Variants in TNFRSF21 observed in about 807,000 individuals in gnomAD.
TNFRSF21 encodes the protein tumor necrosis factor receptor superfamily member 21.
A neutral mutation model predicts 45.6 loss-of-function variants in TNFRSF21; 19 were observed. That is an observed-to-expected ratio of 0.42 (90% CI 0.29 to 0.61). TNFRSF21 has a LOEUF of 0.61. Ranked by LOEUF, TNFRSF21 falls within the 20% of genes least tolerant of loss-of-function variation. The probability of loss-of-function intolerance (pLI) is 0.23; values close to 1 mark genes in which losing one functional copy is unlikely to be tolerated. For synonymous variants in TNFRSF21, 314 were observed against 335.5 expected (o/e 0.94, Z 0.70); for missense variants, 737 against 851.5 (o/e 0.87, Z 1.67).
At chr6:47,309,227 A>AT (rs1020412202) in intron 1 of TNFRSF21, among the ~76,000 whole-genome samples, 189 bp downstream of exon 1, 2 of 152,098 alleles carry the variant, frequency 1.3e-5, no homozygotes, top group Non-Finnish European at 2.9e-5. Flanking sequence ...GAGCCCTGAG[A>AT]TTCCCCCAAA....
At chr6:47,273,217 A>G (rs1478378923) in intron 3 of TNFRSF21, among the ~76,000 whole-genome samples, 1 of 152,220 alleles carries the variant, frequency 6.6e-6, no homozygotes, top group African/African-American at 2.4e-5. Context: ...ACAAAAAAAG[A>G]GAATTTTAGA....
intron 3 of TNFRSF21, among the ~76,000 whole-genome samples, chr6:47,258,301 C>G (rs1765018778): frequency 6.6e-6 from 1 of 151,360 alleles, no homozygotes; most frequent in Non-Finnish European, 1.5e-5. Flanking sequence ...ACCTGAGAGA[C>G]AGAGGTTGCA....
Position 47,291,642 on chromosome 6 carries a change from G to A in TNFRSF21, c.97-5047C>T, listed in dbSNP as rs371661871. Among the ~76,000 whole-genome samples the A allele has an allele frequency of 2.2e-4, 33 of 152,340 alleles. No individual in the cohort carries two copies. The South Asian group carries it at 6.2e-3, about 29-fold the overall frequency. On this transcript the variant is annotated intron_variant, in intron 1 of 5. Transcript: ENST00000296861. ...TGCTCCTTGGACCAGGGAGGGATGGGAGGTAGGCTCCAAGCCCCCCATCTC... is the reference window on the plus strand; with the variant it reads ...TGCTCCTTGGACCAGGGAGGGATGGAAGGTAGGCTCCAAGCCCCCCATCTC...
intron 4 of TNFRSF21, among the ~76,000 whole-genome samples, chr6:47,247,721 G>A (rs181424259): frequency 6.6e-6 from 1 of 152,318 alleles, no homozygotes; most frequent in East Asian, 1.9e-4. Context: ...TGATTACACA[G>A]AGCAAAGCCA....
chr6:47,235,148 G>C (rs1764648917), intron 4 of TNFRSF21, among the ~76,000 whole-genome samples: 2 of 152,040 alleles, frequency 1.3e-5, no homozygotes, highest in South Asian at 4.2e-4. Flanking sequence ...TTATCTCAGG[G>C]GAGTAGAAGG....
chr6:47,282,861 T>C (rs1762589781), intron 3 of TNFRSF21, among the ~76,000 whole-genome samples: 1 of 152,228 alleles, frequency 6.6e-6, no homozygotes, highest in South Asian at 2.1e-4. Context: ...ATAATTTACT[T>C]AGTTTTTCCC....
intron 1 of TNFRSF21, among the ~76,000 whole-genome samples, chr6:47,291,489 G>A (rs1582355590): frequency 6.6e-6 from 1 of 152,180 alleles, no homozygotes; most frequent in Non-Finnish European, 1.5e-5. Flanking sequence ...TGGAGAGACG[G>A]TGACAGATTT....
At chr6:47,249,033 T>C (rs1582320885) in intron 4 of TNFRSF21, among the ~76,000 whole-genome samples, 2 of 152,330 alleles carry the variant, frequency 1.3e-5, no homozygotes, top group Non-Finnish European at 2.9e-5. Context: ...AAAATGACTA[T>C]GTTGCCAGGA....
Position 47,285,957 on chromosome 6 carries a change from A to C in TNFRSF21, c.735T>G (p.Thr245=). 1 of 1,614,028 alleles carries C rather than the reference A, an allele frequency of 6.2e-7. No homozygotes were observed. Among genetic ancestry groups the C allele is most frequent in the Non-Finnish European group, 8.5e-7 (1 of 1,179,890 alleles). The change falls in exon 2 of 6, where the codon ACT becomes ACG. Residue 245 remains threonine, a synonymous_variant. Coordinates refer to ENST00000296861, the MANE Select transcript of TNFRSF21 (RefSeq NM_014452.5). ...AGGTTAAGTTACCTTTGGGAACATA[A>C]GTGGAGGAAGGGACTTCATGGGTTT... ...HMETHEVPSS[T]YVPKGMNSTE...
Position 47,291,468 on chromosome 6 carries a change from G to A in TNFRSF21, c.97-4873C>T, listed in dbSNP as rs185199501. On this transcript the variant is annotated intron_variant, in intron 1 of 5. Transcript: ENST00000296861. Reference sequence around the variant, plus strand: ...TGGTGGTGACTCAGACTAGGGTGGCGGATGCGGAAATGGAGAGACGGTGAC... The same window carrying A: ...TGGTGGTGACTCAGACTAGGGTGGCAGATGCGGAAATGGAGAGACGGTGAC... Among the ~76,000 whole-genome samples the A allele has an allele frequency of 9.2e-5, 14 of 152,314 alleles. No individual in the cohort carries two copies. In the East Asian group the frequency reaches 9.6e-4, roughly 10 times the overall value.
intron 1 of TNFRSF21, among the ~76,000 whole-genome samples, chr6:47,292,249 A>T (rs1762738812): frequency 6.6e-6 from 1 of 152,192 alleles, no homozygotes; most frequent in Non-Finnish European, 1.5e-5. Flanking sequence ...GAGCCAGAAT[A>T]TCTGACGCCG....
At chr6:47,300,755 T>A (rs1161922195) in intron 1 of TNFRSF21, among the ~76,000 whole-genome samples, 1 of 152,190 alleles carries the variant, frequency 6.6e-6, no homozygotes, top group African/African-American at 2.4e-5. Context: ...ATACTCTTCC[T>A]TCTGTTCTTT....
chr6:47,287,974 T>C (rs533311516), intron 1 of TNFRSF21, among the ~76,000 whole-genome samples: 1 of 152,328 alleles, frequency 6.6e-6, no homozygotes, highest in South Asian at 2.1e-4. Context: ...CAACACACAC[T>C]TTGAAAGCTG....
Position 47,286,398 on chromosome 6 carries a change from C to A in TNFRSF21, c.294G>T (p.Arg98Ser), listed in dbSNP as rs376748511. 3 of 1,614,226 alleles carry A rather than the reference C, an allele frequency of 1.9e-6. No individual in the cohort carries two copies. Among genetic ancestry groups the A allele is most frequent in the African/African-American group, 1.3e-5 (1 of 75,048 alleles). The change falls in exon 2 of 6, where the codon AGG becomes AGT. Residue 98 changes from arginine (R) to serine (S), a missense_variant. Coordinates refer to ENST00000296861, the MANE Select transcript of TNFRSF21 (RefSeq NM_014452.5). ...CSSCPVGTFT[R>S]HENGIEKCHD... ...GGCATTTCTCTATGCCATTCTCATG[C>A]CTGGTAAAGGTCCCCACAGGGCAAC... is the stretch of plus-strand genomic sequence containing the variant.
At chr6:47,294,587 A>G (rs564502322) in intron 1 of TNFRSF21, among the ~76,000 whole-genome samples, 1 of 152,284 alleles carries the variant, frequency 6.6e-6, no homozygotes, top group Non-Finnish European at 1.5e-5. Flanking sequence ...TGAGGACATC[A>G]CTCTGTTTTA....
At chr6:47,262,164 C>T (rs907844183) in intron 3 of TNFRSF21, among the ~76,000 whole-genome samples, 1 of 152,008 alleles carries the variant, frequency 6.6e-6, no homozygotes. Context: ...CAAAAAACAC[C>T]GTGCAAAGAT....
chr6:47,269,882 C>T (rs764888968), intron 3 of TNFRSF21, among the ~76,000 whole-genome samples: 2 of 152,194 alleles, frequency 1.3e-5, no homozygotes, highest in Admixed American at 6.5e-5. Context: ...TAGCCTATAA[C>T]CTGCATGTGA....
intron 3 of TNFRSF21, among the ~76,000 whole-genome samples, chr6:47,269,561 T>C (rs1762383063): frequency 2.0e-5 from 3 of 152,232 alleles, no homozygotes; most frequent in Admixed American, 2.0e-4. Flanking sequence ...TTACTTCATA[T>C]AATGTATTTC....
intron 1 of TNFRSF21, among the ~76,000 whole-genome samples, chr6:47,291,397 G>A (rs561537162): frequency 1.2e-4 from 18 of 152,150 alleles, no homozygotes; most frequent in African/African-American, 4.1e-4. Flanking sequence ...ATGCGGGAGA[G>A]TAGACAAGAA....
Sources: gnomAD v4.1 joint callset for allele counts (sites outside exome capture counted in the v4.1 genomes callset) on GRCh38, gnomAD v4.1.1 for gene constraint, MANE v1.5 for transcripts, NCBI Gene and HGNC (gene_info 2026-07-23, HGNC 2026-07-21) for gene names.